Variants in MAD1L1 observed in about 807,000 individuals in gnomAD.
MAD1L1 encodes mitotic spindle assembly checkpoint protein MAD1.
MAD1L1 carries 95 observed loss-of-function variants against 96.9 expected under a neutral mutation model. The ratio of observed to expected loss-of-function variants is 0.98; its 90% CI spans 0.83 to 1.16. The LOEUF (loss-of-function observed/expected upper bound fraction) is 1.16, where lower values mean the gene tolerates loss of function less well. Ranked by LOEUF, MAD1L1 falls within the 50% of genes most tolerant of loss-of-function variation. MAD1L1 has a pLI of 0.00. For synonymous variants in MAD1L1, 473 were observed against 396.6 expected, an observed-to-expected ratio of 1.19 and a Z score of -2.29; for missense variants, 1,007 against 954.4, an observed-to-expected ratio of 1.06 and a Z score of -0.73.
intron 17 of MAD1L1, among the ~76,000 whole-genome samples, chr7:1,922,678 G>T (rs1476609110): frequency 6.6e-6 from 1 of 152,244 alleles, no homozygotes; most frequent in Non-Finnish European, 1.5e-5. Context: ...CATGGACCAA[G>T]GCGGTGAGAG....
intron 14 of MAD1L1, among the ~76,000 whole-genome samples, chr7:1,984,141 C>T (rs1219906311): frequency 1.3e-5 from 2 of 152,216 alleles, no homozygotes; most frequent in Non-Finnish European, 2.9e-5. Context: ...ATCTTATGCA[C>T]TTTTGAATCG....
At chr7:2,207,768 G>A (rs73041345) in intron 10 of MAD1L1, among the ~76,000 whole-genome samples, 8,606 of 152,318 alleles carry the variant, frequency 0.057, 398 homozygotes, top group Middle Eastern at 0.11. Flanking sequence ...TTAACAGCCT[G>A]TCAGTCAGAA....
rs780906276 is a variant in MAD1L1 at position 2,225,532 on chromosome 7, G to C, written c.169C>G (p.Gln57Glu). 6.2e-7 allele frequency: 1 copy of C among 1,613,656 alleles called. No individual in the cohort carries two copies. Among genetic ancestry groups the C allele is most frequent in the African/African-American group, 1.3e-5 (1 of 74,922 alleles). The change falls in exon 4 of 19, where the codon CAG becomes GAG. Residue 57 changes from glutamine (Q) to glutamate (E), a missense_variant. Physicochemically the swap from Gln to Glu is conservative, Grantham distance 29 (BLOSUM62 2). Transcript: ENST00000265854. ...ATGAGGTGGGACTTCGAACGGATCT[G>C]CTCTGCTCTTTCCTCCAGCTGAGCA... ...QSMQLEERAE[Q>E]IRSKSHLIQV...
At chr7:2,147,699 G>A in intron 11 of MAD1L1, among the ~76,000 whole-genome samples, 1 of 152,248 alleles carries the variant, frequency 6.6e-6, no homozygotes, top group Admixed American at 6.5e-5. Context: ...AGCTGGGGTT[G>A]TGAGGACCAC....
At chr7:2,209,781 C>A (rs1024088382) in intron 10 of MAD1L1, among the ~76,000 whole-genome samples, 1 of 152,216 alleles carries the variant, frequency 6.6e-6, no homozygotes, top group African/African-American at 2.4e-5. Context: ...AGGGCACTCC[C>A]AGCCACAGAG....
At chr7:2,034,639 C>T (rs1783385538) in intron 12 of MAD1L1, among the ~76,000 whole-genome samples, 1 of 152,240 alleles carries the variant, frequency 6.6e-6, no homozygotes, top group African/African-American at 2.4e-5. Flanking sequence ...GCAGGAAGCA[C>T]ACAAGGCTGC....
At chr7:1,911,787 C>A (rs1354609901) in intron 17 of MAD1L1, among the ~76,000 whole-genome samples, 1 of 152,244 alleles carries the variant, frequency 6.6e-6, no homozygotes, top group Non-Finnish European at 1.5e-5. Context: ...TCCGGCGTCA[C>A]CTCCAGATGA....
At chr7:2,171,053 A>G (rs1237561244) in intron 10 of MAD1L1, among the ~76,000 whole-genome samples, 5 of 152,238 alleles carry the variant, frequency 3.3e-5, no homozygotes. Flanking sequence ...GCAGAACTCG[A>G]TAGTGCTTCA....
At chr7:1,875,281 C>T (rs1198114486) in intron 18 of MAD1L1, among the ~76,000 whole-genome samples, 5 of 152,192 alleles carry the variant, frequency 3.3e-5, no homozygotes, top group Admixed American at 1.3e-4. Flanking sequence ...AGCTGAGTAC[C>T]GGATAGGACC....
chr7:2,220,955 C>T lies in MAD1L1; in HGVS notation c.472-1499G>A, dbSNP rs530791851. On this transcript the variant is annotated intron_variant, in intron 5 of 18. Coordinates refer to ENST00000265854, the MANE Select transcript of MAD1L1 (RefSeq NM_001013836.2). Reference sequence around the variant, plus strand: ...ACAGGGTCACCCGTGTTGTAGGGGACGCCGGACAGTTGGCAAGGAAGAGGC... The same window carrying T: ...ACAGGGTCACCCGTGTTGTAGGGGATGCCGGACAGTTGGCAAGGAAGAGGC... 1.4e-5 allele frequency: 22 copies of T among 1,612,340 alleles called. No individual in the cohort carries two copies. The South Asian group carries it at 1.4e-4, about 10-fold the overall frequency.
intron 10 of MAD1L1, among the ~76,000 whole-genome samples, chr7:2,170,818 C>T (rs964894695): frequency 3.3e-5 from 5 of 152,094 alleles, no homozygotes; most frequent in Admixed American, 1.3e-4. Context: ...AAGGGAAAGT[C>T]GGGGCGTCAG....
chr7:1,867,912 G>C (rs2128652807), intron 18 of MAD1L1, among the ~76,000 whole-genome samples: 1 of 152,366 alleles, frequency 6.6e-6, no homozygotes, highest in African/African-American at 2.4e-5. Context: ...CACATAATTA[G>C]AGCAGTGTCT....
chr7:1,996,927 A>G (rs1022949306), intron 14 of MAD1L1, among the ~76,000 whole-genome samples: 7 of 151,660 alleles, frequency 4.6e-5, no homozygotes, highest in African/African-American at 1.7e-4. Flanking sequence ...CTCACTCCCC[A>G]AAGTCTATAA....
intron 17 of MAD1L1, among the ~76,000 whole-genome samples, chr7:1,920,574 C>T (rs563571307): frequency 3.3e-5 from 5 of 152,282 alleles, no homozygotes; most frequent in African/African-American, 9.6e-5. Flanking sequence ...CGGGGATGAA[C>T]GGAGGCTGGT....
intron 11 of MAD1L1, among the ~76,000 whole-genome samples, chr7:2,086,086 G>A (rs1241395713): frequency 2.0e-5 from 3 of 152,182 alleles, no homozygotes; most frequent in Non-Finnish European, 4.4e-5. Context: ...GGGGGAGGAC[G>A]GCAAGACCCG....
intron 15 of MAD1L1, among the ~76,000 whole-genome samples, chr7:1,973,593 C>A (rs926384708): frequency 6.6e-6 from 1 of 152,140 alleles, no homozygotes; most frequent in African/African-American, 2.4e-5. Flanking sequence ...ACCCCACACA[C>A]GAGGACCACA....
At chr7:2,078,009 G>A (rs1785460503) in intron 11 of MAD1L1, among the ~76,000 whole-genome samples, 1 of 152,194 alleles carries the variant, frequency 6.6e-6, no homozygotes, top group Admixed American at 6.5e-5. Context: ...AAGCAACACT[G>A]AGCATGTTCA....
rs115376321 is a variant in MAD1L1, at chr7:1,929,557, C to T, written c.1807+7130G>A. Among the ~76,000 whole-genome samples, 468 of 152,198 alleles carry T rather than the reference C, an allele frequency of 3.1e-3. 1 individual carries two copies. Among genetic ancestry groups the T allele is most frequent in the African/African-American group, 0.011 (450 of 41,508 alleles). On this transcript the variant is annotated intron_variant, in intron 17 of 18. Coordinates refer to ENST00000265854, the MANE Select transcript of MAD1L1 (RefSeq NM_001013836.2). ...ACAAGGGTGTTCCTGCCTGAACTTC[C>T]GAGCAGGGACTCAGATCCCCGAGAG...
In MAD1L1 at chr7:1,938,162, G is replaced by A. The variant is rs112366635; in HGVS notation, c.1597-1265C>T. On this transcript the variant is annotated intron_variant, in intron 16 of 18. Coordinates refer to ENST00000265854, the MANE Select transcript of MAD1L1 (RefSeq NM_001013836.2). ...GGAGGTGCAGGGTCACTGCGCACCCGAGACCCCGACCTCACGCCACACACA... is the reference window on the plus strand; with the variant it reads ...GGAGGTGCAGGGTCACTGCGCACCCAAGACCCCGACCTCACGCCACACACA... Among the ~76,000 whole-genome samples the A allele has an allele frequency of 4.7e-4, 31 of 65,852 alleles. 1 individual carries two copies. The highest frequency in any genetic ancestry group is 2.3e-3 in the African/African-American group (30 of 13,256). 43.2% of individuals were successfully genotyped at this position (65,852 alleles called of 152,430 possible).
Sources: allele counts gnomAD v4.1 joint callset (sites outside exome capture counted in the v4.1 genomes callset), GRCh38; gene constraint gnomAD v4.1.1; transcripts MANE v1.5; gene names NCBI Gene and HGNC (gene_info 2026-07-23, HGNC 2026-07-21).